MLLT1: variants seen among roughly 807,000 people sequenced by gnomAD.
The protein encoded by MLLT1 is protein ENL.
MLLT1 carries 11 observed loss-of-function variants against 55.1 expected under a neutral mutation model. That is an observed-to-expected ratio of 0.20 (90% CI 0.13 to 0.33). The LOEUF is 0.33. Ranked by LOEUF, MLLT1 falls within the 10% of genes least tolerant of loss-of-function variation. The pLI, the probability that MLLT1 is intolerant of heterozygous loss-of-function variation, is 1.00. For synonymous variants in MLLT1, 323 were observed against 320.1 expected, an observed-to-expected ratio of 1.01 and a Z score of -0.10; for missense variants, 536 against 760.6, an observed-to-expected ratio of 0.70 and a Z score of 3.47.
At chr19:6,215,809 C>T (rs2090837271) in intron 8 of MLLT1, among the ~76,000 whole-genome samples, 1 of 152,186 alleles carries the variant, frequency 6.6e-6, no homozygotes. Flanking sequence ...CCAAGGCCAG[C>T]ACGTTCTCCA....
At chr19:6,216,072 C>G (rs1192998090) in intron 8 of MLLT1, among the ~76,000 whole-genome samples, 1 of 152,112 alleles carries the variant, frequency 6.6e-6, no homozygotes, top group Non-Finnish European at 1.5e-5. Context: ...GGCCTGCTCC[C>G]CTCCCCCCAC....
Position 6,227,339 on chromosome 19 carries a change from T to A in MLLT1, c.421-237A>T, listed in dbSNP as rs1001449882. Among the ~76,000 whole-genome samples, 4 of 151,992 alleles carry A rather than the reference T, an allele frequency of 2.6e-5. No individual in the cohort carries two copies. In the East Asian group the frequency reaches 7.8e-4, roughly 30 times the overall value. ...GGGTCCCAGGATGGCTGGGACCAGG[T>A]GGGGCCACGCGGCCTTCCGGGAACA... On this transcript the variant is annotated intron_variant, in intron 4 of 11. Coordinates refer to ENST00000252674, the MANE Select transcript of MLLT1 (RefSeq NM_005934.4). This position sits in a 1 kb window ranked among gnomAD's most constrained non-coding sequence, Gnocchi z 5.1.
Position 6,230,543 on chromosome 19 carries a change from T to G in MLLT1, c.420+27A>C. 1.2e-6 allele frequency: 2 copies of G among 1,609,860 alleles called. No homozygotes were observed. Among genetic ancestry groups the G allele is most frequent in the Non-Finnish European group, 1.7e-6 (2 of 1,178,992 alleles). On this transcript the variant is annotated intron_variant, in intron 4 of 11. Transcript: ENST00000252674. This position sits in a 1 kb window ranked among gnomAD's most constrained non-coding sequence, Gnocchi z 9.0. ...AAGTAGCCTCGGTGGAGCGGCCCCTTGGCGGGCAGGGGCGGGGCACACTCA... is the reference window on the plus strand; with the variant it reads ...AAGTAGCCTCGGTGGAGCGGCCCCTGGGCGGGCAGGGGCGGGGCACACTCA...
rs2090876191 is a variant in MLLT1 at position 6,219,652 on chromosome 19, G to A, written c.1111-1611C>T. On this transcript the variant is annotated intron_variant, in intron 6 of 11. Transcript: ENST00000252674. The surrounding 1 kb of genome is among the most constrained non-coding windows in gnomAD (Gnocchi z 4.5). Reference sequence around the variant, plus strand: ...CGGATGGAATCCCTGGGGCAGAGGGGTGGGCACCAACCTGGAGGGAGGTGG... The same window carrying A: ...CGGATGGAATCCCTGGGGCAGAGGGATGGGCACCAACCTGGAGGGAGGTGG... Among the ~76,000 whole-genome samples, 1 of 152,218 alleles carries A rather than the reference G, an allele frequency of 6.6e-6. No homozygotes were observed. Among genetic ancestry groups the A allele is most frequent in the South Asian group, 2.1e-4 (1 of 4,832 alleles).
chr19:6,236,514 GA>G (rs1409591286), intron 3 of MLLT1, among the ~76,000 whole-genome samples: 2 of 152,202 alleles, frequency 1.3e-5, no homozygotes, highest in Non-Finnish European at 2.9e-5. Context: ...CAACTGCAGA[GA>G]GGGGCAGCAC....
rs563832245 is a variant in MLLT1, at chr19:6,240,544, C to G, written c.277-9831G>C. 3.9e-5 allele frequency among the ~76,000 whole-genome samples: 6 copies of G among 152,338 alleles called. No individual in the cohort carries two copies. The South Asian group carries it at 1.2e-3, about 32-fold the overall frequency. ...CACCCCATATACAGGCACTCAAGTGCTACTCCTCATCACACGCTGGCCCAG... is the reference window on the plus strand; with the variant it reads ...CACCCCATATACAGGCACTCAAGTGGTACTCCTCATCACACGCTGGCCCAG... On this transcript the variant is annotated intron_variant, in intron 3 of 11. Transcript: ENST00000252674. The surrounding 1 kb of genome is among the most constrained non-coding windows in gnomAD (Gnocchi z 4.7).
In MLLT1 at chr19:6,213,745, T is replaced by C. The variant is rs140093729; in HGVS notation, c.1460A>G (p.Lys487Arg). The change falls in exon 10 of 12, where the codon AAG (lysine) becomes AGG (arginine). Residue 487 changes from lysine to arginine, a missense_variant. Transcript: ENST00000252674. Reference sequence around the variant, plus strand: ...CCCCACCTTGTCGTAGGTGCCCTTCTTGAGGATCTTCTCAGGCTTGCTGCA... The same window carrying C: ...CCCCACCTTGTCGTAGGTGCCCTTCCTGAGGATCTTCTCAGGCTTGCTGCA... ...ESCSKPEKIL[K>R]KGTYDKAYTD... 1.6e-5 allele frequency: 25 copies of C among 1,605,490 alleles called. No homozygotes were observed. The highest frequency in any genetic ancestry group is 1.7e-4 in the Middle Eastern group (1 of 6,030).
chr19:6,271,452 C>T (rs1176274555), intron 1 of MLLT1, among the ~76,000 whole-genome samples: 1 of 152,196 alleles, frequency 6.6e-6, no homozygotes, highest in Non-Finnish European at 1.5e-5. Context: ...CCCCTGGTGA[C>T]CGGTCCCAGG....
chr19:6,269,195 C>T (rs1376574383), intron 2 of MLLT1, among the ~76,000 whole-genome samples: 1 of 152,270 alleles, frequency 6.6e-6, no homozygotes, highest in Admixed American at 6.5e-5. Context: ...ACAGGCTGCA[C>T]TGGCAGTGGC....
At position 6,213,412 on chromosome 19, in the gene MLLT1, G is replaced by GCT; in HGVS notation, c.1480-5_1480-4insAG. The GCT allele has an allele frequency of 6.2e-7, 1 of 1,610,750 alleles. No homozygotes were observed. ...CCACCAGCTCATCCGTGTAGGCCTG[G>GCT]GGAGGGGGGGCAGGTCTCAGCAGCG... On this transcript the variant is annotated splice_polypyrimidine_tract_variant and splice_region_variant and intron_variant, in intron 10 of 11. Coordinates refer to ENST00000252674, the MANE Select transcript of MLLT1 (RefSeq NM_005934.4).
At chr19:6,216,120 G>A (rs897171132) in intron 8 of MLLT1, among the ~76,000 whole-genome samples, 2 of 152,036 alleles carry the variant, frequency 1.3e-5, no homozygotes, top group Non-Finnish European at 2.9e-5. Flanking sequence ...CTCCCTGCCA[G>A]ATAGCCCACA....
rs550132425 is a variant in MLLT1, at chr19:6,229,214, G to A, written c.420+1356C>T. On this transcript the variant is annotated intron_variant, in intron 4 of 11. Coordinates refer to ENST00000252674, the MANE Select transcript of MLLT1 (RefSeq NM_005934.4). This position sits in a 1 kb window ranked among gnomAD's most constrained non-coding sequence, Gnocchi z 5.2. ...GGAAAAGCGGAGCCAGGAGGGCGCT[G>A]GGACCCAGCCCTCACATCCTCAGGC... Among the ~76,000 whole-genome samples, 1 of 152,206 alleles carries A rather than the reference G, an allele frequency of 6.6e-6. No homozygotes were observed. Among genetic ancestry groups the A allele is most frequent in the East Asian group, 1.9e-4 (1 of 5,162 alleles).
At chr19:6,233,661 G>A (rs1481735658) in intron 3 of MLLT1, among the ~76,000 whole-genome samples, 3 of 152,214 alleles carry the variant, frequency 2.0e-5, no homozygotes, top group Non-Finnish European at 2.9e-5. Flanking sequence ...CTGTGGGGGC[G>A]GCTTCCACCA....
intron 3 of MLLT1, among the ~76,000 whole-genome samples, chr19:6,241,779 T>C (rs1307143491): frequency 6.6e-6 from 1 of 152,198 alleles, no homozygotes. Flanking sequence ...AAAGACAGAC[T>C]GCGCCACAGC....
chr19:6,255,353 C>T (rs1386057889), intron 3 of MLLT1, among the ~76,000 whole-genome samples: 1 of 152,072 alleles, frequency 6.6e-6, no homozygotes, highest in African/African-American at 2.4e-5. Context: ...ATTAGCTGGG[C>T]GTGGTGGCAC....
chr19:6,230,850 C>T lies in MLLT1; in HGVS notation c.277-137G>A. The stretch of plus-strand genomic sequence containing the variant: ...CCCTCCGATTTGCGCCCACTTCTCT[C>T]TCAGGGCACCTCCTGCCCTGCCCTT... On this transcript the variant is annotated intron_variant, in intron 3 of 11. Coordinates refer to ENST00000252674, the MANE Select transcript of MLLT1 (RefSeq NM_005934.4). This position sits in a 1 kb window ranked among gnomAD's most constrained non-coding sequence, Gnocchi z 9.0. 4.6e-6 allele frequency: 5 copies of T among 1,081,632 alleles called. No individual in the cohort carries two copies. The South Asian group carries it at 7.3e-5, about 16-fold the overall frequency. 67.0% of individuals were successfully genotyped at this position (1,081,632 alleles called of 1,614,324 possible). A position where few individuals can be genotyped will look rare whatever the true frequency, so the allele number is the denominator to read the frequency against.
At chr19:6,216,721 C>T (rs1175627889) in intron 7 of MLLT1, 3 of 567,032 alleles carry the variant, frequency 5.3e-6, no homozygotes, top group Non-Finnish European at 9.4e-6. Flanking sequence ...CCCTGGCTCC[C>T]CCACCCCTCC....
At chr19:6,245,935 G>A (rs936067095) in intron 3 of MLLT1, among the ~76,000 whole-genome samples, 2 of 151,986 alleles carry the variant, frequency 1.3e-5, no homozygotes, top group Admixed American at 6.5e-5. Context: ...AAAGTTGGCC[G>A]GTCACAGTGG....
chr19:6,242,761 G>A (rs1048847129), intron 3 of MLLT1, among the ~76,000 whole-genome samples: 1 of 152,162 alleles, frequency 6.6e-6, no homozygotes, highest in Non-Finnish European at 1.5e-5. Flanking sequence ...TTGGTACCGG[G>A]TTCAATAGAA....
Sources: allele counts gnomAD v4.1 joint callset (sites outside exome capture counted in the v4.1 genomes callset), GRCh38; gene constraint gnomAD v4.1.1; non-coding constraint Gnocchi (gnomAD v3.1); transcripts MANE v1.5; gene names NCBI Gene and HGNC (gene_info 2026-07-23, HGNC 2026-07-21).